VAC14: variants seen among roughly 807,000 people sequenced by gnomAD.
VAC14 encodes the protein VAC14 component of PIKFYVE complex, also known as protein VAC14 homolog.
Under a neutral mutation model 85.3 loss-of-function variants are expected in VAC14, and 47 were observed. The observed-to-expected ratio is 0.55, with a 90% CI of 0.44 to 0.70. The LOEUF is 0.70. Ranked by LOEUF, VAC14 falls within the 30% of genes least tolerant of loss-of-function variation. The pLI is 0.00. For missense variants in VAC14, 861 were observed against 1,004.3 expected (o/e 0.86, Z 1.93); for synonymous variants, 447 against 430.5 (o/e 1.04, Z -0.47).
intron 14 of VAC14, among the ~76,000 whole-genome samples, chr16:70,705,060 G>T (rs1467469917): frequency 2.6e-5 from 4 of 152,226 alleles, no homozygotes; most frequent in Non-Finnish European, 5.9e-5. Flanking sequence ...CGGGATACTT[G>T]TGCCGGCTCC....
chr16:70,771,738 C>T (rs1249880737), intron 10 of VAC14: 1 of 192,144 alleles, frequency 5.2e-6, no homozygotes, highest in Non-Finnish European at 1.1e-5. Context: ...CGCCACCAGG[C>T]CCAGATAATT....
chr16:70,761,993 C>T (rs779408855), intron 12 of VAC14, among the ~76,000 whole-genome samples: 3 of 152,204 alleles, frequency 2.0e-5, no homozygotes, highest in African/African-American at 2.4e-5. Flanking sequence ...TTTGGGCAGC[C>T]TCACTCCAAG....
intron 17 of VAC14, among the ~76,000 whole-genome samples, chr16:70,693,679 G>C (rs1002744634): frequency 6.6e-6 from 1 of 152,208 alleles, no homozygotes; most frequent in Non-Finnish European, 1.5e-5. Flanking sequence ...GGCAGTCCCA[G>C]CTTCCCCAAG....
At chr16:70,793,088 T>C (rs776061727) in intron 1 of VAC14, among the ~76,000 whole-genome samples, 8 of 152,156 alleles carry the variant, frequency 5.3e-5, no homozygotes, top group Non-Finnish European at 1.2e-4. Context: ...CAATTACAGA[T>C]GGCAATTCCC....
chr16:70,691,244 G>C, intron 18 of VAC14: 1 of 985,456 alleles, frequency 1.0e-6, no homozygotes, highest in Non-Finnish European at 1.2e-6. Context: ...GGAGACCCGG[G>C]AGAGGCTGGG....
chr16:70,721,754 G>A (rs193063181), intron 14 of VAC14, among the ~76,000 whole-genome samples: 77 of 152,186 alleles, frequency 5.1e-4, no homozygotes, highest in African/African-American at 1.8e-3. Context: ...CTCCAGCTGC[G>A]GATTGCGGGC....
At chr16:70,721,015 C>T (rs191307678) in intron 14 of VAC14, among the ~76,000 whole-genome samples, 17 of 152,294 alleles carry the variant, frequency 1.1e-4, no homozygotes, top group East Asian at 9.7e-4. Context: ...GTGGATGATG[C>T]GAGCCACTGC....
chr16:70,768,369 C>G (rs2032970055), intron 10 of VAC14: 1 of 161,024 alleles, frequency 6.2e-6, no homozygotes, highest in African/African-American at 2.4e-5. Flanking sequence ...GCAGAGCAGT[C>G]ACGAGAGAGA....
chr16:70,752,029 A>C (rs2031430960), intron 12 of VAC14, among the ~76,000 whole-genome samples: 1 of 152,240 alleles, frequency 6.6e-6, no homozygotes, highest in African/African-American at 2.4e-5. Context: ...TCCCATTGAG[A>C]AAACTGCCTT....
At chr16:70,776,473 C>T (rs2033523830) in intron 9 of VAC14, among the ~76,000 whole-genome samples, 1 of 152,186 alleles carries the variant, frequency 6.6e-6, no homozygotes, top group African/African-American at 2.4e-5. Flanking sequence ...CCATTTCTTT[C>T]TTCTGACTTA....
Position 70,769,650 on chromosome 16 carries a change from G to A in VAC14, c.1160+2459C>T, listed in dbSNP as rs2033070754. On this transcript the variant is annotated intron_variant, in intron 10 of 18. Coordinates refer to ENST00000261776, the MANE Select transcript of VAC14 (RefSeq NM_018052.5). ...TAGGATTTGGCATTGGCTCCTGAAT[G>A]ACAAGTATAAACCAAAACCCTCGTC... 2.0e-5 allele frequency: 3 copies of A among 152,326 alleles called. No individual in the cohort carries two copies. In the South Asian group the frequency reaches 6.2e-4, roughly 32 times the overall value. The allele number at this position is 152,326 out of a possible 1,614,324, so 9.4% of individuals were successfully genotyped here. A position where few individuals can be genotyped will look rare whatever the true frequency, so the allele number is the denominator to read the frequency against.
chr16:70,704,013 G>A (rs1246697551), intron 14 of VAC14, among the ~76,000 whole-genome samples: 1 of 152,322 alleles, frequency 6.6e-6, no homozygotes, highest in African/African-American at 2.4e-5. Context: ...GGGCTGGTGT[G>A]AGCCTTCGTG....
intron 13 of VAC14, among the ~76,000 whole-genome samples, chr16:70,736,464 AG>A (rs1438533302): frequency 6.6e-6 from 1 of 152,136 alleles, no homozygotes; most frequent in Non-Finnish European, 1.5e-5. Context: ...CTGAGGAAGA[AG>A]GGGGGCCACC....
chr16:70,696,873 C>T, intron 16 of VAC14: 2 of 406,338 alleles, frequency 4.9e-6, no homozygotes, highest in South Asian at 4.4e-5. Flanking sequence ...CGGGCTGGGC[C>T]TACTCAGTCC....
chr16:70,688,392 T>G, intron 18 of VAC14: 1 of 1,042,426 alleles, frequency 9.6e-7, no homozygotes, highest in Non-Finnish European at 1.2e-6. Context: ...TGTTTACGAG[T>G]GGCTCCCTTT....
At chr16:70,746,087 C>A (rs1216126320) in intron 12 of VAC14, among the ~76,000 whole-genome samples, 1 of 152,112 alleles carries the variant, frequency 6.6e-6, no homozygotes, top group Non-Finnish European at 1.5e-5. Context: ...TAAGGCCTAC[C>A]CCCTCAAAAG....
intron 9 of VAC14, among the ~76,000 whole-genome samples, chr16:70,776,843 T>C (rs1355306448): frequency 6.6e-6 from 1 of 151,754 alleles, no homozygotes; most frequent in Admixed American, 6.6e-5. Flanking sequence ...GATGGAGTCT[T>C]GCTCTGTTGC....
intron 10 of VAC14, among the ~76,000 whole-genome samples, chr16:70,763,284 G>C (rs1282422986): frequency 6.6e-6 from 1 of 152,194 alleles, no homozygotes; most frequent in African/African-American, 2.4e-5. Flanking sequence ...TGCTGGGCTG[G>C]AACCATGATA....
At chr16:70,700,545 C>T (rs1040218791) in intron 14 of VAC14, among the ~76,000 whole-genome samples, 6 of 152,156 alleles carry the variant, frequency 3.9e-5, no homozygotes, top group Admixed American at 6.5e-5. Context: ...AGCCTGAGGA[C>T]GAGGAACAAG....
Sources: allele counts gnomAD v4.1 joint callset (sites outside exome capture counted in the v4.1 genomes callset), GRCh38; gene constraint gnomAD v4.1.1; transcripts MANE v1.5; gene names NCBI Gene and HGNC (gene_info 2026-07-23, HGNC 2026-07-21).